SLC17A5: variants seen among roughly 807,000 people sequenced by gnomAD.
SLC17A5 encodes sialin.
Under a neutral mutation model 59.4 loss-of-function variants are expected in SLC17A5, and 47 were observed. The observed-to-expected ratio is 0.79, with a 90% CI of 0.63 to 1.01. The LOEUF is 1.01. SLC17A5 is among the 50% of genes least tolerant of loss of function. The pLI, the probability that SLC17A5 is intolerant of heterozygous loss-of-function variation, is 0.00. For missense variants in SLC17A5, 522 were observed against 595.5 expected, an observed-to-expected ratio of 0.88 and a Z score of 1.28; for synonymous variants, 202 against 210.7, an observed-to-expected ratio of 0.96 and a Z score of 0.36.
At chr6:73,636,262 T>C (rs1768989595) in intron 5 of SLC17A5, among the ~76,000 whole-genome samples, 1 of 146,748 alleles carries the variant, frequency 6.8e-6, no homozygotes, top group Non-Finnish European at 1.5e-5. Context: ...AGCAATAAAA[T>C]GCCTTGGGAC....
chr6:73,603,195 G>A (rs1392579678), intron 9 of SLC17A5, among the ~76,000 whole-genome samples: 4 of 151,678 alleles, frequency 2.6e-5, no homozygotes, highest in South Asian at 2.1e-4. Context: ...ACAGTGGCGC[G>A]ATCTCAGCTC....
At chr6:73,618,638 A>C (rs1767986930) in intron 7 of SLC17A5, 1 of 384,990 alleles carries the variant, frequency 2.6e-6, no homozygotes, top group East Asian at 6.2e-5. Context: ...CATCTCTATA[A>C]ACACATTTTA....
intron 3 of SLC17A5, among the ~76,000 whole-genome samples, chr6:73,640,809 A>G (rs1053290588): frequency 6.6e-6 from 1 of 151,734 alleles, no homozygotes; most frequent in African/African-American, 2.4e-5. Context: ...AAAAATGATA[A>G]AACTATTAAG....
At chr6:73,622,059 T>A (rs1212501170) in intron 6 of SLC17A5, 97 bp from the exon 7 acceptor site, 2 of 1,204,426 alleles carry the variant, frequency 1.7e-6, no homozygotes, top group Non-Finnish European at 1.2e-6. Flanking sequence ...TCATACAGAA[T>A]ATCACCTTAA....
At chr6:73,610,688 T>C (rs1396359030) in intron 8 of SLC17A5, 141 bp from the exon 9 acceptor site, 1 of 835,260 alleles carries the variant, frequency 1.2e-6, no homozygotes, top group African/African-American at 2.1e-5. Flanking sequence ...ACAAATTTCA[T>C]GAGAAAAAAA....
At position 73,610,510 on chromosome 6, in the gene SLC17A5, G is replaced by A; in HGVS notation, c.1149C>T (p.Gly383=). 1 of 1,614,122 alleles carries A rather than the reference G, an allele frequency of 6.2e-7. No homozygotes were observed. Among genetic ancestry groups the A allele is most frequent in the Non-Finnish European group, 8.5e-7 (1 of 1,180,024 alleles). ...CCAAAGAATAATCACAGCCAATGAAGCCAGCAGCTACCAGGAATACTGCAG... is the reference window on the plus strand; with the variant it reads ...CCAAAGAATAATCACAGCCAATGAAACCAGCAGCTACCAGGAATACTGCAG... The part of the protein sequence containing the change: ...IGPAVFLVAA[G]FIGCDYSLAV... The change falls in exon 9 of 11, where the codon GGC becomes GGT. Residue 383 remains glycine, a synonymous_variant. Transcript: ENST00000355773.
At position 73,596,819 on chromosome 6, in the gene SLC17A5, T is replaced by G. The variant is rs924626038; in HGVS notation, c.1351-1605A>C. Among the ~76,000 whole-genome samples, 5 of 149,720 alleles carry G rather than the reference T, an allele frequency of 3.3e-5. No homozygotes were observed. The Admixed American group carries it at 3.3e-4, about 10-fold the overall frequency. On this transcript the variant is annotated intron_variant, in intron 10 of 10. Coordinates refer to ENST00000355773, the MANE Select transcript of SLC17A5 (RefSeq NM_012434.5). ...TGCAGTGAGGCTGAGATCGCTCCAC[T>G]GCACTCCAGCTTGGGCAACAGAGCA...
chr6:73,622,461 C>T (rs1768197012), intron 6 of SLC17A5, among the ~76,000 whole-genome samples: 1 of 152,088 alleles, frequency 6.6e-6, no homozygotes, highest in Non-Finnish European at 1.5e-5. Flanking sequence ...TCCACCAGGC[C>T]TGGCTAATTT....
At chr6:73,634,638 G>A (rs1193980263) in intron 6 of SLC17A5, among the ~76,000 whole-genome samples, 4 of 152,248 alleles carry the variant, frequency 2.6e-5, no homozygotes, top group South Asian at 2.1e-4. Flanking sequence ...GACCTCAGGC[G>A]ATCCGCCTGC....
rs610260 is a variant in SLC17A5 at position 73,621,734 on chromosome 6, C to T, written c.978+70G>A. 119,862 of 1,251,586 alleles carry T rather than the reference C, an allele frequency of 0.096. 8,698 individuals are homozygous for T. The highest frequency in any genetic ancestry group is 0.34 in the African/African-American group (22,650 of 66,344). The allele number at this position is 1,251,586 out of a possible 1,614,324, so 77.5% of individuals were successfully genotyped here. On this transcript the variant is annotated intron_variant, in intron 7 of 10. Transcript: ENST00000355773. ...AGATACAGAATAACTGAATTTTATA[C>T]AGATGAGAACAAATTCTGTGTATGG...
At chr6:73,629,592 C>T (rs1768599939) in intron 6 of SLC17A5, among the ~76,000 whole-genome samples, 1 of 151,842 alleles carries the variant, frequency 6.6e-6, no homozygotes, top group Admixed American at 6.6e-5. Flanking sequence ...GACCAACATG[C>T]AGAAACCCTG....
At chr6:73,623,760 C>T (rs936341799) in intron 6 of SLC17A5, among the ~76,000 whole-genome samples, 2 of 150,764 alleles carry the variant, frequency 1.3e-5, no homozygotes, top group African/African-American at 2.4e-5. Context: ...TGCAGTGGCG[C>T]GATTTCGGCT....
intron 7 of SLC17A5, among the ~76,000 whole-genome samples, chr6:73,620,153 C>T (rs1768075638): frequency 6.6e-6 from 1 of 151,964 alleles, no homozygotes; most frequent in African/African-American, 2.4e-5. Context: ...GAACTCCTGA[C>T]CTCAAGTGAT....
In SLC17A5 at chr6:73,641,553, T is replaced by C. The variant is rs996233446; in HGVS notation, c.525+138A>G. 11 of 674,888 alleles carry C rather than the reference T, an allele frequency of 1.6e-5. No homozygotes were observed. In the African/African-American group the frequency reaches 1.8e-4, roughly 11 times the overall value. 41.8% of individuals were successfully genotyped at this position (674,888 alleles called of 1,614,324 possible). ...TCTATTCAGGTAATTTTCTAGTTAG[T>C]CCTTTCTCTAAAAAATAAACCCCTG... On this transcript the variant is annotated intron_variant, in intron 3 of 10. Transcript: ENST00000355773.
chr6:73,630,368 T>C (rs1768642812), intron 6 of SLC17A5, among the ~76,000 whole-genome samples: 6 of 152,216 alleles, frequency 3.9e-5, no homozygotes. Context: ...CCACTTATTG[T>C]AAGAATGAAA....
chr6:73,597,322 C>T (rs1766858082), intron 10 of SLC17A5, among the ~76,000 whole-genome samples: 1 of 151,094 alleles, frequency 6.6e-6, no homozygotes, highest in Admixed American at 6.6e-5. Flanking sequence ...AAAAAATTAG[C>T]CAGGCGTGGT....
chr6:73,595,577 A>G (rs1158629571), intron 10 of SLC17A5, among the ~76,000 whole-genome samples: 2 of 152,170 alleles, frequency 1.3e-5, no homozygotes, highest in Non-Finnish European at 2.9e-5. Context: ...GGGTGAAGGA[A>G]AAATAGGAGG....
chr6:73,642,634 C>G (rs142266087), intron 2 of SLC17A5, among the ~76,000 whole-genome samples: 328 of 152,284 alleles, frequency 2.2e-3, no homozygotes, highest in African/African-American at 7.6e-3. Context: ...CCTGTGTTTT[C>G]ATTAGTAACA....
chr6:73,600,986 G>A (rs894616375), intron 9 of SLC17A5, among the ~76,000 whole-genome samples: 3 of 151,634 alleles, frequency 2.0e-5, no homozygotes, highest in Non-Finnish European at 2.9e-5. Context: ...AGTGAGGAGC[G>A]TCTCTGCCTG....
Sources: allele counts gnomAD v4.1 joint callset (sites outside exome capture counted in the v4.1 genomes callset), GRCh38; gene constraint gnomAD v4.1.1; transcripts MANE v1.5; gene names NCBI Gene and HGNC (gene_info 2026-07-23, HGNC 2026-07-21).